RBFOX1: variants seen among roughly 807,000 people sequenced by gnomAD.
The protein encoded by RBFOX1 is RNA binding fox-1 homolog 1.
In RBFOX1, 8 loss-of-function variants were observed where a neutral mutation model predicts 57.7. The observed-to-expected ratio is 0.14, with a 90% CI of 0.08 to 0.25. The LOEUF is 0.25. RBFOX1 is among the 10% of genes least tolerant of loss of function. The probability of loss-of-function intolerance (pLI) is 1.00; values close to 1 mark genes in which losing one functional copy is unlikely to be tolerated. For synonymous variants in RBFOX1, 326 were observed against 222.4 expected, an observed-to-expected ratio of 1.47 and a Z score of -4.15; for missense variants, 611 against 548.5, an observed-to-expected ratio of 1.11 and a Z score of -1.14.
chr16:5,608,059 C>T (rs1455471832), intron 3 of RBFOX1, among the ~76,000 whole-genome samples: 2 of 152,158 alleles, frequency 1.3e-5, no homozygotes, highest in African/African-American at 4.8e-5. Context: ...ACAGAATAGG[C>T]ACATGTTTAA....
chr16:7,671,115 C>T (rs1323966401), intron 13 of RBFOX1, among the ~76,000 whole-genome samples: 1 of 152,104 alleles, frequency 6.6e-6, no homozygotes, highest in Non-Finnish European at 1.5e-5. Flanking sequence ...GGCATTTATG[C>T]AGTTATGGTT....
At chr16:7,378,552 C>T (rs775383914) in intron 4 of RBFOX1, among the ~76,000 whole-genome samples, 12 of 152,196 alleles carry the variant, frequency 7.9e-5, no homozygotes, top group African/African-American at 1.2e-4. Flanking sequence ...CCAGTGGCAA[C>T]TCCAGCCTAG....
intron 5 of RBFOX1, among the ~76,000 whole-genome samples, chr16:7,525,545 A>G (rs2152310294): frequency 6.6e-6 from 1 of 152,286 alleles, no homozygotes; most frequent in Non-Finnish European, 1.5e-5. Flanking sequence ...GACAGAACCT[A>G]AGAAGGCCTG....
chr16:7,603,766 T>C (rs1016653617), intron 9 of RBFOX1, among the ~76,000 whole-genome samples: 10 of 152,108 alleles, frequency 6.6e-5, no homozygotes, highest in Admixed American at 1.3e-4. Flanking sequence ...AGGTACCAAA[T>C]AGTTTGGTTA....
chr16:5,569,438 CTTTTT>C (rs796279138), intron 2 of RBFOX1, among the ~76,000 whole-genome samples: 226 of 49,158 alleles, frequency 4.6e-3, no homozygotes, highest in Non-Finnish European at 7.5e-3. Flanking sequence ...AAGAAGTAAC[CTTTTT>C]TTTTTTTTTT....
chr16:5,917,080 A>G (rs1189625686), intron 4 of RBFOX1, among the ~76,000 whole-genome samples: 1 of 151,966 alleles, frequency 6.6e-6, no homozygotes, highest in Non-Finnish European at 1.5e-5. Flanking sequence ...GCGTGGCCCC[A>G]CTTGAACCTG....
At chr16:5,480,189 A>G (rs2069477161) in intron 2 of RBFOX1, among the ~76,000 whole-genome samples, 1 of 152,196 alleles carries the variant, frequency 6.6e-6, no homozygotes, top group African/African-American at 2.4e-5. Context: ...GATGCATAAA[A>G]GAAATCCCTG....
chr16:6,839,868 CTT>C (rs2093361562), intron 3 of RBFOX1, among the ~76,000 whole-genome samples: 2 of 152,176 alleles, frequency 1.3e-5, no homozygotes, highest in Non-Finnish European at 2.9e-5. Context: ...TTTGGGGTAT[CTT>C]TTCCCCTCCC....
At chr16:7,614,248 G>C (rs988257056) in intron 10 of RBFOX1, 1 of 152,154 alleles carries the variant, frequency 6.6e-6, no homozygotes, top group Non-Finnish European at 1.5e-5. Context: ...CCCGAGCAAA[G>C]GATTTTCAGC....
At chr16:5,471,086 G>A (rs1015187022) in intron 2 of RBFOX1, among the ~76,000 whole-genome samples, 3 of 152,020 alleles carry the variant, frequency 2.0e-5, no homozygotes, top group East Asian at 1.9e-4. Flanking sequence ...CACCGGCCTC[G>A]GTCTCCCAAA....
At chr16:7,240,679 T>A (rs556376331) in intron 4 of RBFOX1, among the ~76,000 whole-genome samples, 5 of 152,194 alleles carry the variant, frequency 3.3e-5, no homozygotes, top group Admixed American at 3.3e-4. Context: ...CTCAGTCTCC[T>A]GAGTAGCTAG....
intron 1 of RBFOX1, among the ~76,000 whole-genome samples, chr16:6,223,856 T>C (rs1896848935): frequency 6.6e-6 from 1 of 152,218 alleles, no homozygotes; most frequent in Admixed American, 6.5e-5. Context: ...AAGTCTTTAA[T>C]CCATCTTGAA....
intron 3 of RBFOX1, among the ~76,000 whole-genome samples, chr16:5,626,812 G>A (rs2048363095): frequency 6.6e-6 from 1 of 151,616 alleles, no homozygotes. Flanking sequence ...TTTCCTTGGT[G>A]CCCTTCTGAG....
chr16:7,189,707 C>T (rs1379836840), intron 4 of RBFOX1, among the ~76,000 whole-genome samples: 1 of 152,210 alleles, frequency 6.6e-6, no homozygotes, highest in Non-Finnish European at 1.5e-5. Context: ...TTATAAATTA[C>T]TGATGGGGTC....
chr16:6,843,476 C>T (rs1022183508), intron 3 of RBFOX1, among the ~76,000 whole-genome samples: 1 of 152,058 alleles, frequency 6.6e-6, no homozygotes, highest in Non-Finnish European at 1.5e-5. Flanking sequence ...ATCACGAGGT[C>T]AGGAGATCGA....
intron 3 of RBFOX1, among the ~76,000 whole-genome samples, chr16:6,842,983 C>T (rs1318700883): frequency 1.3e-5 from 2 of 152,094 alleles, no homozygotes; most frequent in African/African-American, 2.4e-5. Flanking sequence ...CATCCATGTC[C>T]TTGCAAAGGA....
intron 1 of RBFOX1, among the ~76,000 whole-genome samples, chr16:6,083,099 T>C (rs2096031191): frequency 6.6e-6 from 1 of 152,014 alleles, no homozygotes; most frequent in Non-Finnish European, 1.5e-5. Flanking sequence ...CCTCCCAGGT[T>C]CAAGCGATTC....
At chr16:7,375,343 G>A (rs1419385554) in intron 4 of RBFOX1, among the ~76,000 whole-genome samples, 1 of 152,082 alleles carries the variant, frequency 6.6e-6, no homozygotes, top group African/African-American at 2.4e-5. Context: ...TTTTGCTTCT[G>A]ATAATTATAG....
chr16:7,150,959 C>G (rs1284405384), intron 4 of RBFOX1, among the ~76,000 whole-genome samples: 1 of 152,150 alleles, frequency 6.6e-6, no homozygotes, highest in Non-Finnish European at 1.5e-5. Context: ...TTGTCTTCAC[C>G]ATTTTAAATT....
Sources: allele counts gnomAD v4.1 joint callset (sites outside exome capture counted in the v4.1 genomes callset), GRCh38; gene constraint gnomAD v4.1.1; transcripts MANE v1.5; gene names NCBI Gene and HGNC (gene_info 2026-07-23, HGNC 2026-07-21).